CYSRT1: variants seen among roughly 807,000 people sequenced by gnomAD.
The protein encoded by CYSRT1 is cysteine-rich tail protein 1.
Under a neutral mutation model 6.2 loss-of-function variants are expected in CYSRT1, and 7 were observed. The observed-to-expected ratio is 1.13, with a 90% CI of 0.64 to 2.13. The LOEUF (loss-of-function observed/expected upper bound fraction) is 2.13, where lower values mean the gene tolerates loss of function less well. Among genes scored for constraint, CYSRT1 ranks in the 30% most tolerant of loss-of-function variants. The probability of loss-of-function intolerance (pLI) is 0.00; values close to 1 mark genes in which losing one functional copy is unlikely to be tolerated. For missense variants in CYSRT1, 188 were observed against 196.4 expected (o/e 0.96, Z 0.26); for synonymous variants, 75 against 83.1 (o/e 0.90, Z 0.53).
rs749096383 is a variant in CYSRT1 at position 137,225,700 on chromosome 9, G to A, written c.79G>A (p.Gly27Arg). The A allele has an allele frequency of 1.2e-5, 19 of 1,550,302 alleles. No individual in the cohort carries two copies. In the South Asian group the frequency reaches 2.1e-4, roughly 17 times the overall value. Residue 27 changes from glycine (G) to arginine (R), a missense_variant, in exon 2 of 2, where the codon GGG becomes AGG. Physicochemically the swap from Gly to Arg is moderately radical, Grantham distance 125 (BLOSUM62 -2). Transcript: ENST00000650725. ...IPRAHLRPDLGQQLEVASTCS... is the reference protein window; with the variant it reads ...IPRAHLRPDLRQQLEVASTCS... ...CCGGGCTCACCTGCGGCCTGACCTG[G>A]GGCAGCAGTTAGAGGTGGCTTCCAC... is the stretch of plus-strand genomic sequence containing the variant.
chr9:137,225,550 A>G, intron 1 of CYSRT1, 64 bp from the exon 2 acceptor site: 1 of 1,476,956 alleles, frequency 6.8e-7, no homozygotes, highest in South Asian at 1.4e-5. Context: ...CCTGGGCCGC[A>G]GGCTCGTGGG....
At position 137,225,676 on chromosome 9, in the gene CYSRT1, C is replaced by T. The variant is rs1228223916; in HGVS notation, c.55C>T (p.Arg19Trp). Residue 19 changes from arginine (R) to tryptophan (W), a missense_variant, in exon 2 of 2, where the codon CGG becomes TGG. Arg to Trp is a moderately radical substitution (Grantham distance 101). Transcript: ENST00000650725. Reference sequence around the variant, plus strand: ...CCCATATGCCCACATCAGCATCCCCCGGGCTCACCTGCGGCCTGACCTGGG... The same window carrying T: ...CCCATATGCCCACATCAGCATCCCCTGGGCTCACCTGCGGCCTGACCTGGG... ...KNPYAHISIPRAHLRPDLGQQ... is the reference protein window; with the variant it reads ...KNPYAHISIPWAHLRPDLGQQ... The T allele has an allele frequency of 9.0e-6, 14 of 1,550,352 alleles. No individual in the cohort carries two copies. The highest frequency in any genetic ancestry group is 1.4e-5 in the African/African-American group (1 of 73,060).
chr9:137,226,018 T>C lies in CYSRT1; in HGVS notation c.397T>C (p.Cys133Arg). Residue 133 changes from cysteine to arginine, a missense_variant, in exon 2 of 2, where the codon TGC becomes CGC. Cys to Arg is a radical substitution (Grantham distance 180). Transcript: ENST00000650725. ...CCHCCHCPPF[C>R]RCHSCCCCVI... The stretch of plus-strand genomic sequence containing the variant: ...CCACTGCTGCCACTGCCCCCCCTTC[T>C]GCCGCTGCCACAGCTGCTGCTGCTG... 6.5e-7 allele frequency: 1 copy of C among 1,549,068 alleles called. No homozygotes were observed. Among genetic ancestry groups the C allele is most frequent in the Non-Finnish European group, 8.7e-7 (1 of 1,146,814 alleles).
intron 1 of CYSRT1, 66 bp downstream of exon 1, chr9:137,225,299 C>G (rs1281598402): frequency 7.4e-7 from 1 of 1,345,478 alleles, no homozygotes; most frequent in African/African-American, 1.5e-5. Context: ...CCCTTCTCTC[C>G]CATCTCTCAG....
At position 137,225,767 on chromosome 9, in the gene CYSRT1, C is replaced by T; in HGVS notation, c.146C>T (p.Pro49Leu). ...GAGATGCAGCCCCTGCCAGTGGGGC[C>T]CTGTGCCCCAGAGCCAACCCACCTC... Reference protein sequence around the residue: ...SSEMQPLPVGPCAPEPTHLLQ... With the variant: ...SSEMQPLPVGLCAPEPTHLLQ... Residue 49 changes from proline to leucine, a missense_variant, in exon 2 of 2, where the codon CCC (proline) becomes CTC (leucine). Pro to Leu is a moderately conservative substitution (Grantham distance 98, BLOSUM62 -3). Transcript: ENST00000650725. The T allele has an allele frequency of 1.3e-6, 2 of 1,549,976 alleles. No individual in the cohort carries two copies. The highest frequency in any genetic ancestry group is 2.4e-5 in the East Asian group (1 of 40,924).
chr9:137,226,273 T>A lies in CYSRT1; in HGVS notation c.*217T>A. On this transcript the variant is annotated 3_prime_UTR_variant, in exon 2 of 2. Transcript: ENST00000650725. ...CTGGAGAGGGACACCCCTGATTACC[T>A]TAAGGCCCAGGCAATAAAGCAGGGT... 1.2e-6 allele frequency: 1 copy of A among 817,460 alleles called. No individual in the cohort carries two copies. Among genetic ancestry groups the A allele is most frequent in the Non-Finnish European group, 1.9e-6 (1 of 531,722 alleles). 50.6% of individuals were successfully genotyped at this position (817,460 alleles called of 1,614,324 possible).
rs768874334 is a variant in CYSRT1, at chr9:137,225,938, C to T, written c.317C>T (p.Pro106Leu). ...GCCGGACTGACCTACGCTGGCCCTC[C>T]GCCCGCGGGGCGCGGGGATGACATC... ...RQAGLTYAGPPPAGRGDDIAH... is the reference protein window; with the variant it reads ...RQAGLTYAGPLPAGRGDDIAH... The change falls in exon 2 of 2, where the codon CCG becomes CTG. Residue 106 changes from proline to leucine, a missense_variant. Transcript: ENST00000650725. The T allele has an allele frequency of 1.2e-5, 18 of 1,547,408 alleles. No homozygotes were observed. Among genetic ancestry groups the T allele is most frequent in the African/African-American group, 4.1e-5 (3 of 73,034 alleles).
Position 137,225,621 on chromosome 9 carries a change from C to A in CYSRT1, c.-1C>A, listed in dbSNP as rs751294443. 6.5e-7 allele frequency: 1 copy of A among 1,550,106 alleles called. No individual in the cohort carries two copies. Among genetic ancestry groups the A allele is most frequent in the South Asian group, 1.2e-5 (1 of 84,020 alleles). On this transcript the variant is annotated 5_prime_UTR_variant, in exon 2 of 2. Coordinates refer to ENST00000650725, the MANE Select transcript of CYSRT1 (RefSeq NM_199001.5). ...CTCTGCCCACCCCTGCAGGCTGGACCATGGACCCCCAAGAGATGGTCGTCA... is the reference window on the plus strand; with the variant it reads ...CTCTGCCCACCCCTGCAGGCTGGACAATGGACCCCCAAGAGATGGTCGTCA...
chr9:137,225,277 G>T (rs1183232514), intron 1 of CYSRT1, 44 bp downstream of exon 1: 1 of 1,438,070 alleles, frequency 7.0e-7, no homozygotes, highest in Non-Finnish European at 9.6e-7. Flanking sequence ...CAGGGGCACT[G>T]CAGGGTCAGC....
At position 137,225,847 on chromosome 9, in the gene CYSRT1, G is replaced by T. The variant is rs983681320; in HGVS notation, c.226G>T (p.Ala76Ser). 6.5e-6 allele frequency: 10 copies of T among 1,547,024 alleles called. No homozygotes were observed. Among genetic ancestry groups the T allele is most frequent in the African/African-American group, 1.4e-5 (1 of 73,048 alleles). The part of the protein sequence containing the change: ...PKGAKGNQGA[A>S]PIQNQQAWQQ... ...GGGCGCCAAGGGTAACCAGGGGGCT[G>T]CCCCCATCCAGAACCAGCAGGCCTG... Residue 76 changes from alanine to serine, a missense_variant, in exon 2 of 2, where the codon GCC (alanine) becomes TCC (serine). Ala to Ser is a moderately conservative substitution (Grantham distance 99). Coordinates refer to ENST00000650725, the MANE Select transcript of CYSRT1 (RefSeq NM_199001.5).
Position 137,225,633 on chromosome 9 carries a change from A to T in CYSRT1, c.12A>T (p.Gln4His). The change falls in exon 2 of 2, where the codon CAA (glutamine) becomes CAT (histidine). Residue 4 changes from glutamine (Q) to histidine (H), a missense_variant. Transcript: ENST00000650725. MDP[Q>H]EMVVKNPYAH... The stretch of plus-strand genomic sequence containing the variant: ...CTGCAGGCTGGACCATGGACCCCCA[A>T]GAGATGGTCGTCAAGAACCCATATG... 1 of 1,550,372 alleles carries T rather than the reference A, an allele frequency of 6.5e-7. No homozygotes were observed. Among genetic ancestry groups the T allele is most frequent in the Non-Finnish European group, 8.7e-7 (1 of 1,146,928 alleles).
At position 137,226,091 on chromosome 9, in the gene CYSRT1, T is replaced by G; in HGVS notation, c.*35T>G. 2 of 1,534,440 alleles carry G rather than the reference T, an allele frequency of 1.3e-6. No individual in the cohort carries two copies. The highest frequency in any genetic ancestry group is 1.8e-6 in the Non-Finnish European group (2 of 1,136,104). ...CCCTGCCAGGGCCAGGACCCAGACT[T>G]CAGCAAATGTGGCTCACACAGTGCC... On this transcript the variant is annotated 3_prime_UTR_variant, in exon 2 of 2. Transcript: ENST00000650725.
Position 137,226,044 on chromosome 9 carries a change from T to C in CYSRT1, c.423T>C (p.Cys141=). ...PFCRCHSCCC[C]VIS ...GCCGCTGCCACAGCTGCTGCTGCTG[T>C]GTCATCTCCTAGCCCAGCCCACCCT... Residue 141 remains cysteine, a synonymous_variant, in exon 2 of 2, where the codon TGT becomes TGC. Coordinates refer to ENST00000650725, the MANE Select transcript of CYSRT1 (RefSeq NM_199001.5). 1 of 1,548,478 alleles carries C rather than the reference T, an allele frequency of 6.5e-7. No individual in the cohort carries two copies. Among genetic ancestry groups the C allele is most frequent in the Non-Finnish European group, 8.7e-7 (1 of 1,146,678 alleles).
Position 137,225,658 on chromosome 9 carries a change from G to A in CYSRT1, c.37G>A (p.Ala13Thr), listed in dbSNP as rs1303527190. The A allele has an allele frequency of 1.9e-6, 3 of 1,550,328 alleles. No individual in the cohort carries two copies. Among genetic ancestry groups the A allele is most frequent in the Admixed American group, 3.9e-5 (2 of 50,988 alleles). ...PQEMVVKNPYAHISIPRAHLR... is the reference protein window; with the variant it reads ...PQEMVVKNPYTHISIPRAHLR... ...AGAGATGGTCGTCAAGAACCCATAT[G>A]CCCACATCAGCATCCCCCGGGCTCA... Residue 13 changes from alanine (A) to threonine (T), a missense_variant, in exon 2 of 2, where the codon GCC becomes ACC. Coordinates refer to ENST00000650725, the MANE Select transcript of CYSRT1 (RefSeq NM_199001.5).
Position 137,225,684 on chromosome 9 carries a change from CCTGCGGCCTGACCTGGGGCAG to C in CYSRT1, c.65_85del (p.Leu22_Gln28del). ...CCCACATCAGCATCCCCCGGGCTCA[CCTGCGGCCTGACCTGGGGCAG>C]CAGTTAGAGGTGGCTTCCACCTGTT... is the stretch of plus-strand genomic sequence containing the variant. On this transcript the variant is annotated inframe_deletion, in exon 2 of 2. Coordinates refer to ENST00000650725, the MANE Select transcript of CYSRT1 (RefSeq NM_199001.5). 4 of 1,550,474 alleles carry C rather than the reference CCTGCGGCCTGACCTGGGGCAG, an allele frequency of 2.6e-6. No individual in the cohort carries two copies. The highest frequency in any genetic ancestry group is 3.5e-6 in the Non-Finnish European group (4 of 1,146,976).
rs1835971397 is a variant in CYSRT1 at position 137,226,154 on chromosome 9, G to T, written c.*98G>T. 4 of 1,484,096 alleles carry T rather than the reference G, an allele frequency of 2.7e-6. No homozygotes were observed. The highest frequency in any genetic ancestry group is 3.6e-6 in the Non-Finnish European group (4 of 1,106,952). The allele number at this position is 1,484,096 out of a possible 1,614,324, so 91.9% of individuals were successfully genotyped here. A position where few individuals can be genotyped will look rare whatever the true frequency, so the allele number is the denominator to read the frequency against. ...GACATGCGGGGTGGCTGTTGTCATG[G>T]GCGTCTGCCCCTTCACACCAGGCAC... On this transcript the variant is annotated 3_prime_UTR_variant, in exon 2 of 2. Transcript: ENST00000650725.
At position 137,226,148 on chromosome 9, in the gene CYSRT1, G is replaced by T. The variant is rs1835971137; in HGVS notation, c.*92G>T. The T allele has an allele frequency of 6.7e-7, 1 of 1,486,612 alleles. No individual in the cohort carries two copies. The highest frequency in any genetic ancestry group is 2.1e-5 in the Admixed American group (1 of 47,476). 92.1% of individuals were successfully genotyped at this position (1,486,612 alleles called of 1,614,324 possible). ...TGCCGGGACATGCGGGGTGGCTGTTGTCATGGGCGTCTGCCCCTTCACACC... is the reference window on the plus strand; with the variant it reads ...TGCCGGGACATGCGGGGTGGCTGTTTTCATGGGCGTCTGCCCCTTCACACC... On this transcript the variant is annotated 3_prime_UTR_variant, in exon 2 of 2. Transcript: ENST00000650725.
intron 1 of CYSRT1, 86 bp downstream of exon 1, chr9:137,225,319 C>A: frequency 1.6e-6 from 2 of 1,249,450 alleles, no homozygotes; most frequent in Non-Finnish European, 2.3e-6. Context: ...GCCTCCCCGA[C>A]CCCATTCCCA....
In CYSRT1 at chr9:137,226,315, A is replaced by G; in HGVS notation, c.*259A>G. Reference sequence around the variant, plus strand: ...AAGCAGGGTGATCTTCCTCCCAGCAATTCTTCTTTGCTGCAGGCTCCTTTG... The same window carrying G: ...AAGCAGGGTGATCTTCCTCCCAGCAGTTCTTCTTTGCTGCAGGCTCCTTTG... On this transcript the variant is annotated 3_prime_UTR_variant, in exon 2 of 2. Coordinates refer to ENST00000650725, the MANE Select transcript of CYSRT1 (RefSeq NM_199001.5). 1 of 639,772 alleles carries G rather than the reference A, an allele frequency of 1.6e-6. No individual in the cohort carries two copies. Among genetic ancestry groups the G allele is most frequent in the Non-Finnish European group, 2.6e-6 (1 of 378,526 alleles). The allele number at this position is 639,772 out of a possible 1,614,324, so 39.6% of individuals were successfully genotyped here. A position where few individuals can be genotyped will look rare whatever the true frequency, so the allele number is the denominator to read the frequency against.
Sources: gnomAD v4.1 joint callset for allele counts on GRCh38, gnomAD v4.1.1 for gene constraint, MANE v1.5 for transcripts, NCBI Gene and HGNC (gene_info 2026-07-23, HGNC 2026-07-21) for gene names.